Variants in SOBP observed in about 807,000 individuals in gnomAD.
SOBP encodes the protein sine oculis binding protein homolog.
In SOBP, 4 loss-of-function variants were observed where a neutral mutation model predicts 53.6. That is an observed-to-expected ratio of 0.07 (90% CI 0.04 to 0.17). SOBP has a LOEUF of 0.17. Ranked by LOEUF, SOBP falls within the 10% of genes least tolerant of loss-of-function variation. The pLI is 1.00. For missense variants in SOBP, 1,088 were observed against 1,204.7 expected (o/e 0.90, Z 1.43); for synonymous variants, 584 against 522.6 (o/e 1.12, Z -1.60).
chr6:107,657,008 T>C (rs1403847837), intron 6 of SOBP, among the ~76,000 whole-genome samples: 2 of 152,218 alleles, frequency 1.3e-5, no homozygotes, highest in African/African-American at 2.4e-5. Flanking sequence ...TTTTGGGGCA[T>C]GGCAGAAGAG....
chr6:107,609,592 T>TG (rs1786516502), intron 5 of SOBP, among the ~76,000 whole-genome samples: 1 of 152,194 alleles, frequency 6.6e-6, no homozygotes, highest in Non-Finnish European at 1.5e-5. Context: ...AGTCAGTAAC[T>TG]GATACATTTC....
At chr6:107,625,811 T>G (rs1429904673) in intron 5 of SOBP, among the ~76,000 whole-genome samples, 1 of 152,230 alleles carries the variant, frequency 6.6e-6, no homozygotes, top group African/African-American at 2.4e-5. Flanking sequence ...AACCACATAT[T>G]TTAGAATATG....
intron 5 of SOBP, among the ~76,000 whole-genome samples, chr6:107,624,538 G>A (rs1770371755): frequency 1.3e-5 from 2 of 152,254 alleles, no homozygotes; most frequent in Admixed American, 1.3e-4. Flanking sequence ...AGGTAGAAGT[G>A]ACAGGGAGGT....
At chr6:107,507,060 C>A (rs560113996) in intron 3 of SOBP, among the ~76,000 whole-genome samples, 2 of 150,464 alleles carry the variant, frequency 1.3e-5, no homozygotes, top group Non-Finnish European at 1.5e-5. Flanking sequence ...GAGCAAAACT[C>A]CGTCTCAAAA....
chr6:107,629,052 G>A (rs1347794900), intron 5 of SOBP, among the ~76,000 whole-genome samples: 1 of 152,196 alleles, frequency 6.6e-6, no homozygotes, highest in African/African-American at 2.4e-5. Context: ...CAGTCAACAT[G>A]CCAAGGCCCA....
At chr6:107,535,369 T>C (rs1307257381) in intron 4 of SOBP, among the ~76,000 whole-genome samples, 2 of 152,216 alleles carry the variant, frequency 1.3e-5, no homozygotes, top group Non-Finnish European at 2.9e-5. Flanking sequence ...AATTAGCATT[T>C]GAAATACTTA....
chr6:107,590,071 A>G (rs1490415169), intron 5 of SOBP, among the ~76,000 whole-genome samples: 1 of 152,206 alleles, frequency 6.6e-6, no homozygotes, highest in Admixed American at 6.5e-5. Context: ...TTCTTCTGGG[A>G]CTAGAAGGCT....
intron 4 of SOBP, among the ~76,000 whole-genome samples, chr6:107,536,099 T>C (rs1441541731): frequency 6.6e-6 from 1 of 152,178 alleles, no homozygotes; most frequent in Non-Finnish European, 1.5e-5. Flanking sequence ...GAATAATGTG[T>C]GTGTGTGCAG....
At chr6:107,565,021 T>C (rs1294414393) in intron 4 of SOBP, among the ~76,000 whole-genome samples, 2 of 152,218 alleles carry the variant, frequency 1.3e-5, no homozygotes, top group Non-Finnish European at 2.9e-5. Flanking sequence ...GAGATGGCTA[T>C]TGAGAGCTGA....
intron 4 of SOBP, among the ~76,000 whole-genome samples, chr6:107,560,300 C>T (rs932667071): frequency 1.7e-4 from 21 of 123,380 alleles, no homozygotes; most frequent in Admixed American, 1.5e-3. Flanking sequence ...ATAGGAGTAG[C>T]CCTGGAAGGA....
chr6:107,490,664 C>T lies in SOBP; in HGVS notation c.48C>T (p.Ser16=). The part of the protein sequence containing the change: ...KEGRPPENKR[S]RKPAHPVKRE... ...GGAGACCTCCCGAAAATAAACGGAG[C>T]AGGAAGCCGGCTCACCCAGTGAAAA... The change falls in exon 1 of 7, where the codon AGC becomes AGT. Residue 16 remains serine, a synonymous_variant. Coordinates refer to ENST00000317357, the MANE Select transcript of SOBP (RefSeq NM_018013.4). 6.2e-7 allele frequency: 1 copy of T among 1,608,864 alleles called. No homozygotes were observed. The highest frequency in any genetic ancestry group is 8.5e-7 in the Non-Finnish European group (1 of 1,177,334).
At chr6:107,580,247 C>G (rs1216374188) in intron 4 of SOBP, among the ~76,000 whole-genome samples, 1 of 152,188 alleles carries the variant, frequency 6.6e-6, no homozygotes, top group Non-Finnish European at 1.5e-5. Flanking sequence ...AGCCCTCCAC[C>G]CAAGCTGCAT....
At chr6:107,614,889 G>A (rs986891980) in intron 5 of SOBP, among the ~76,000 whole-genome samples, 8 of 152,186 alleles carry the variant, frequency 5.3e-5, no homozygotes, top group African/African-American at 9.7e-5. Context: ...CATCATTGAC[G>A]TAAATTTCTG....
chr6:107,641,736 T>C (rs1354640799), intron 6 of SOBP, among the ~76,000 whole-genome samples: 3 of 152,208 alleles, frequency 2.0e-5, no homozygotes, highest in Non-Finnish European at 4.4e-5. Flanking sequence ...CTGTGCACCA[T>C]GTTCAATCAT....
intron 5 of SOBP, among the ~76,000 whole-genome samples, chr6:107,619,071 A>AG (rs1786908637): frequency 6.6e-6 from 1 of 152,092 alleles, no homozygotes; most frequent in African/African-American, 2.4e-5. Context: ...TAACATGCGG[A>AG]GGGGCCCATG....
chr6:107,573,884 G>C (rs1458827850), intron 4 of SOBP, among the ~76,000 whole-genome samples: 3 of 152,188 alleles, frequency 2.0e-5, no homozygotes, highest in Non-Finnish European at 4.4e-5. Context: ...GGGACCATTT[G>C]CTTTACTGTT....
At chr6:107,553,411 C>G (rs550044270) in intron 4 of SOBP, among the ~76,000 whole-genome samples, 2 of 151,788 alleles carry the variant, frequency 1.3e-5, no homozygotes, top group Non-Finnish European at 1.5e-5. Flanking sequence ...TCACTGCAAC[C>G]TCTGCCTCCT....
intron 6 of SOBP, among the ~76,000 whole-genome samples, chr6:107,642,100 A>G (rs141958926): frequency 6.6e-6 from 1 of 152,278 alleles, no homozygotes; most frequent in South Asian, 2.1e-4. Context: ...GAAAGAAATT[A>G]GCTTTAGAAA....
At chr6:107,641,151 G>A (rs1016920299) in intron 6 of SOBP, among the ~76,000 whole-genome samples, 1 of 152,222 alleles carries the variant, frequency 6.6e-6, no homozygotes, top group Non-Finnish European at 1.5e-5. Flanking sequence ...GTTTCTCTGA[G>A]GAAGCTGAAT....
Sources: gnomAD v4.1 joint callset for allele counts (sites outside exome capture counted in the v4.1 genomes callset) on GRCh38, gnomAD v4.1.1 for gene constraint, MANE v1.5 for transcripts, NCBI Gene and HGNC (gene_info 2026-07-23, HGNC 2026-07-21) for gene names.